The following LRRC4C variants were observed in gnomAD, a reference collection of about 807,000 sequenced individuals.
LRRC4C encodes the protein leucine rich repeat containing 4C, also known as leucine-rich repeat-containing protein 4C.
In LRRC4C, 5 loss-of-function variants were observed where a neutral mutation model predicts 33.6. That is an observed-to-expected ratio of 0.15 (90% CI 0.08 to 0.31). LRRC4C has a LOEUF of 0.31. LRRC4C is among the 10% of genes least tolerant of loss of function. LRRC4C has a pLI of 1.00. For synonymous variants in LRRC4C, 329 were observed against 302.0 expected (o/e 1.09, Z -0.93); for missense variants, 560 against 796.7 (o/e 0.70, Z 3.58).
At chr11:40,536,176 G>T (rs932948538) in intron 3 of LRRC4C, among the ~76,000 whole-genome samples, 1 of 152,014 alleles carries the variant, frequency 6.6e-6, no homozygotes, top group Non-Finnish European at 1.5e-5. Context: ...TAGGTATAAG[G>T]CTGAACAGCC....
intron 5 of LRRC4C, among the ~76,000 whole-genome samples, chr11:40,155,813 C>G (rs1858640587): frequency 6.6e-6 from 1 of 151,982 alleles, no homozygotes; most frequent in South Asian, 2.1e-4. Flanking sequence ...TGACATTATT[C>G]CACAAGATAA....
intron 1 of LRRC4C, among the ~76,000 whole-genome samples, chr11:41,080,071 T>C (rs1939450480): frequency 1.3e-5 from 2 of 152,190 alleles, no homozygotes; most frequent in Admixed American, 1.3e-4. Flanking sequence ...TTTGTAGCTA[T>C]TACTTTCTGT....
At chr11:41,234,637 A>C (rs1299242288) in intron 1 of LRRC4C, among the ~76,000 whole-genome samples, 1 of 152,056 alleles carries the variant, frequency 6.6e-6, no homozygotes, top group Non-Finnish European at 1.5e-5. Context: ...AGATGGATGA[A>C]AAGATTAGTT....
intron 1 of LRRC4C, among the ~76,000 whole-genome samples, chr11:41,433,622 T>A (rs1955318792): frequency 6.6e-6 from 1 of 152,096 alleles, no homozygotes; most frequent in Non-Finnish European, 1.5e-5. Context: ...AAGGCTAGAC[T>A]GCCTTAGCCT....
At chr11:40,795,059 T>C (rs1037118618) in intron 2 of LRRC4C, among the ~76,000 whole-genome samples, 6 of 152,212 alleles carry the variant, frequency 3.9e-5, no homozygotes, top group Non-Finnish European at 7.3e-5. Flanking sequence ...GTGTTTTAAC[T>C]GTATTTCTCA....
At chr11:40,222,011 C>T (rs1454903570) in intron 5 of LRRC4C, among the ~76,000 whole-genome samples, 2 of 152,094 alleles carry the variant, frequency 1.3e-5, no homozygotes, top group African/African-American at 4.8e-5. Context: ...CGTCCTGCTA[C>T]AATACTAGAT....
chr11:40,779,530 A>G (rs1002377030), intron 2 of LRRC4C, among the ~76,000 whole-genome samples: 3 of 152,218 alleles, frequency 2.0e-5, no homozygotes, highest in Non-Finnish European at 4.4e-5. Flanking sequence ...AGTCCTCAAG[A>G]TCTTTTCAAG....
intron 5 of LRRC4C, among the ~76,000 whole-genome samples, chr11:40,215,994 C>T (rs541407064): frequency 8.5e-5 from 13 of 152,120 alleles, no homozygotes; most frequent in East Asian, 7.7e-4. Context: ...CTTTGTTCAA[C>T]GCTGGTAATG....
intron 1 of LRRC4C, among the ~76,000 whole-genome samples, chr11:41,398,692 A>C (rs999717916): frequency 2.6e-5 from 4 of 151,920 alleles, no homozygotes; most frequent in Non-Finnish European, 5.9e-5. Flanking sequence ...CTGAGACTTA[A>C]AGTATTAAGT....
chr11:40,667,829 G>C (rs962781625), intron 2 of LRRC4C, among the ~76,000 whole-genome samples: 3 of 152,194 alleles, frequency 2.0e-5, no homozygotes, highest in Non-Finnish European at 4.4e-5. Flanking sequence ...GCTTGTAGTA[G>C]TAGGTATCTC....
intron 1 of LRRC4C, among the ~76,000 whole-genome samples, chr11:41,432,036 G>A (rs1226634131): frequency 1.1e-4 from 16 of 152,152 alleles, no homozygotes; most frequent in Admixed American, 1.0e-3. Context: ...GGTCACCAGC[G>A]AGAAAAGTTA....
intron 1 of LRRC4C, among the ~76,000 whole-genome samples, chr11:41,315,324 A>G (rs2137218896): frequency 6.6e-6 from 1 of 152,328 alleles, no homozygotes; most frequent in South Asian, 2.1e-4. Flanking sequence ...TAGGGATGAC[A>G]ATTGTAACCA....
chr11:41,086,072 T>A (rs1251775880), intron 1 of LRRC4C, among the ~76,000 whole-genome samples: 1 of 152,106 alleles, frequency 6.6e-6, no homozygotes, highest in Non-Finnish European at 1.5e-5. Context: ...GTACCCAATC[T>A]GAATCCTAGT....
intron 2 of LRRC4C, among the ~76,000 whole-genome samples, chr11:40,849,106 T>C (rs1166959710): frequency 6.6e-6 from 1 of 152,252 alleles, no homozygotes; most frequent in Non-Finnish European, 1.5e-5. Context: ...TTTGCCAGTC[T>C]GTGCCTTTTA....
At chr11:41,096,510 G>A (rs971459839) in intron 1 of LRRC4C, among the ~76,000 whole-genome samples, 11 of 152,178 alleles carry the variant, frequency 7.2e-5, no homozygotes, top group African/African-American at 2.4e-4. Flanking sequence ...GATAATTGTT[G>A]AGATTATATG....
intron 3 of LRRC4C, among the ~76,000 whole-genome samples, chr11:40,644,462 C>T (rs1942318720): frequency 6.6e-6 from 1 of 152,172 alleles, no homozygotes; most frequent in South Asian, 2.1e-4. Context: ...TACAAAATGT[C>T]TGTACATGAA....
chr11:40,830,696 C>G (rs924038654), intron 2 of LRRC4C, among the ~76,000 whole-genome samples: 1 of 152,040 alleles, frequency 6.6e-6, no homozygotes, highest in Admixed American at 6.6e-5. Context: ...ACCCTTCATG[C>G]CGACGTACAC....
intron 1 of LRRC4C, among the ~76,000 whole-genome samples, chr11:40,948,127 G>T (rs1958495654): frequency 6.6e-6 from 1 of 151,884 alleles, no homozygotes; most frequent in African/African-American, 2.4e-5. Context: ...TTTCTCTTAT[G>T]ACTCCCCCAT....
chr11:41,312,093 T>G (rs889083106), intron 1 of LRRC4C, among the ~76,000 whole-genome samples: 1 of 152,214 alleles, frequency 6.6e-6, no homozygotes, highest in African/African-American at 2.4e-5. Context: ...ATATATGGAA[T>G]CTGTTTTTCC....
Sources: gnomAD v4.1 joint callset for allele counts (sites outside exome capture counted in the v4.1 genomes callset) on GRCh38, gnomAD v4.1.1 for gene constraint, MANE v1.5 for transcripts, NCBI Gene and HGNC (gene_info 2026-07-23, HGNC 2026-07-21) for gene names.